PCDHGA1: variants seen among roughly 807,000 people sequenced by gnomAD.
PCDHGA1 encodes the protein protocadherin gamma-A1.
Under a neutral mutation model 58.0 loss-of-function variants are expected in PCDHGA1, and 32 were observed. That is an observed-to-expected ratio of 0.55 (90% CI 0.42 to 0.74). The LOEUF (loss-of-function observed/expected upper bound fraction) is 0.74. PCDHGA1 is among the 30% of genes least tolerant of loss of function. PCDHGA1 has a pLI of 0.00. For missense variants in PCDHGA1, 1,205 were observed against 1,182.3 expected (o/e 1.02, Z -0.28); for synonymous variants, 498 against 501.1 (o/e 0.99, Z 0.08).
At chr5:141,397,632 G>A (rs1338700585) in intron 1 of PCDHGA1, among the ~76,000 whole-genome samples, 2 of 152,222 alleles carry the variant, frequency 1.3e-5, no homozygotes, top group African/African-American at 4.8e-5. Context: ...CTAGCTAAGA[G>A]TTCAAGGTAT....
At chr5:141,479,936 T>C (rs532302710) in intron 1 of PCDHGA1, among the ~76,000 whole-genome samples, 97 of 152,340 alleles carry the variant, frequency 6.4e-4, no homozygotes, top group African/African-American at 2.2e-3. Flanking sequence ...ATCATTGCTA[T>C]CAACTCTTGG....
chr5:141,378,013 A>G (rs2150121328), intron 1 of PCDHGA1: 1 of 152,212 alleles, frequency 6.6e-6, no homozygotes, highest in East Asian at 1.9e-4. Context: ...AATAAGCTCT[A>G]CTTATATTAT....
intron 1 of PCDHGA1, chr5:141,421,009 T>G (rs948913987): frequency 1.9e-6 from 1 of 515,496 alleles, no homozygotes. Context: ...AATCAGGGAA[T>G]GGGAAGCTGC....
chr5:141,423,544 C>G, intron 1 of PCDHGA1: 1 of 1,613,744 alleles, frequency 6.2e-7, no homozygotes, highest in African/African-American at 1.3e-5. Flanking sequence ...GATTTTCCCC[C>G]AGCCCAACTA....
At chr5:141,400,685 T>G in intron 1 of PCDHGA1, 1 of 827,408 alleles carries the variant, frequency 1.2e-6, no homozygotes, top group South Asian at 1.8e-5. Context: ...AAATTGTGAG[T>G]TTTTATGTCG....
At chr5:141,387,629 G>T (rs1361387129) in intron 1 of PCDHGA1, 7 of 579,598 alleles carry the variant, frequency 1.2e-5, no homozygotes, top group African/African-American at 3.7e-5. Context: ...CTGACTCTGG[G>T]CGCCGCTGTT....
chr5:141,441,697 C>A (rs1415018255), intron 1 of PCDHGA1: 4 of 307,190 alleles, frequency 1.3e-5, no homozygotes, highest in Non-Finnish European at 1.3e-5. Flanking sequence ...CAGCCGCGAG[C>A]CTTCAAGCTC....
chr5:141,353,491 T>A (rs2149775371), intron 1 of PCDHGA1, among the ~76,000 whole-genome samples: 1 of 152,328 alleles, frequency 6.6e-6, no homozygotes, highest in Non-Finnish European at 1.5e-5. Flanking sequence ...TAACACTTTG[T>A]CTCATCACAA....
At chr5:141,385,389 C>T in intron 1 of PCDHGA1, 2 of 1,506,522 alleles carry the variant, frequency 1.3e-6, no homozygotes, top group Non-Finnish European at 1.8e-6. Flanking sequence ...TATTATTTTG[C>T]AAAACAAATG....
In PCDHGA1 at chr5:141,485,615, C is replaced by G; in HGVS notation, c.2422-9192C>G. ...CTTGGAAATTGGGGAGGCAGCTCCTCCAGGACAGCGTTTCCCGTTGGAAAA... is the reference window on the plus strand; with the variant it reads ...CTTGGAAATTGGGGAGGCAGCTCCTGCAGGACAGCGTTTCCCGTTGGAAAA... On this transcript the variant is annotated intron_variant, in intron 1 of 3. Coordinates refer to ENST00000517417, the MANE Select transcript of PCDHGA1 (RefSeq NM_018912.3). This position sits in a 1 kb window ranked among gnomAD's most constrained non-coding sequence, Gnocchi z 5.7. 6.2e-7 allele frequency: 1 copy of G among 1,612,250 alleles called. No individual in the cohort carries two copies. The highest frequency in any genetic ancestry group is 1.3e-5 in the African/African-American group (1 of 74,992).
intron 1 of PCDHGA1, chr5:141,396,614 C>G (rs904107360): frequency 1.3e-5 from 2 of 149,602 alleles, no homozygotes; most frequent in African/African-American, 4.9e-5. Flanking sequence ...GGTGAGACTC[C>G]GTCTCAAAAA....
intron 1 of PCDHGA1, among the ~76,000 whole-genome samples, chr5:141,460,912 G>GTGTATATATA (rs145509489): frequency 6.7e-6 from 1 of 149,236 alleles, no homozygotes; most frequent in Non-Finnish European, 1.5e-5. Flanking sequence ...ATTCCATGGT[G>GTGTATATATA]TATATATATA....
chr5:141,349,868 G>C (rs1369681606), intron 1 of PCDHGA1, among the ~76,000 whole-genome samples: 2 of 152,122 alleles, frequency 1.3e-5, no homozygotes, highest in African/African-American at 2.4e-5. Context: ...AATACGAAAT[G>C]ATGAAGGCCC....
chr5:141,501,635 T>G (rs553343946), intron 2 of PCDHGA1, among the ~76,000 whole-genome samples: 1 of 152,236 alleles, frequency 6.6e-6, no homozygotes, highest in African/African-American at 2.4e-5. Flanking sequence ...TCTCAACCTC[T>G]CTGAGCCCTG....
chr5:141,410,502 T>C, intron 1 of PCDHGA1: 2 of 1,614,018 alleles, frequency 1.2e-6, no homozygotes, highest in Non-Finnish European at 1.7e-6. Context: ...TTTAATTTCC[T>C]AAAATGCAGT....
chr5:141,370,380 G>C (rs1407234552), intron 1 of PCDHGA1: 1 of 1,532,358 alleles, frequency 6.5e-7, no homozygotes, highest in Non-Finnish European at 8.8e-7. Context: ...GAAAGGCAAA[G>C]GCGCAGAGAG....
At chr5:141,371,633 G>C in intron 1 of PCDHGA1, 1 of 1,614,040 alleles carries the variant, frequency 6.2e-7, no homozygotes, top group Non-Finnish European at 8.5e-7. Context: ...TGGACCGGGA[G>C]CAGATCCCAG....
In PCDHGA1 at chr5:141,340,240, C is replaced by T. The variant is rs529728428; in HGVS notation, c.2421+7135C>T. ...TTTCCTTTTACAACATCACTCTAAC[C>T]GCTAAAGATGGAGGGAACCCCTCCC... On this transcript the variant is annotated intron_variant, in intron 1 of 3. Transcript: ENST00000517417. 6 of 1,614,202 alleles carry T rather than the reference C, an allele frequency of 3.7e-6. No homozygotes were observed. The Admixed American group carries it at 6.7e-5, about 18-fold the overall frequency.
chr5:141,408,770 A>G, intron 1 of PCDHGA1: 1 of 1,611,540 alleles, frequency 6.2e-7, no homozygotes. Flanking sequence ...CGATGGTGGC[A>G]AATACCCAGA....
Sources: allele counts gnomAD v4.1 joint callset (sites outside exome capture counted in the v4.1 genomes callset), GRCh38; gene constraint gnomAD v4.1.1; non-coding constraint Gnocchi (gnomAD v3.1); transcripts MANE v1.5; gene names NCBI Gene and HGNC (gene_info 2026-07-23, HGNC 2026-07-21).